The following CTNND2 variants were observed in gnomAD, a reference collection of about 807,000 sequenced individuals.
CTNND2 encodes the protein catenin delta 2.
In CTNND2, 22 loss-of-function variants were observed where a neutral mutation model predicts 144.4. The ratio of observed to expected loss-of-function variants is 0.15; its 90% CI spans 0.11 to 0.22. The LOEUF (loss-of-function observed/expected upper bound fraction) is 0.22. CTNND2 is among the 10% of genes least tolerant of loss of function. CTNND2 has a pLI of 1.00. For synonymous variants in CTNND2, 751 were observed against 695.6 expected (o/e 1.08, Z -1.25); for missense variants, 1,353 against 1,618.8 (o/e 0.84, Z 2.82).
chr5:11,710,548 A>AG (rs1484988841), intron 2 of CTNND2, among the ~76,000 whole-genome samples: 1 of 152,022 alleles, frequency 6.6e-6, no homozygotes, highest in Non-Finnish European at 1.5e-5. Context: ...TCAAAAAAAA[A>AG]AAAAAAAAAG....
intron 2 of CTNND2, among the ~76,000 whole-genome samples, chr5:11,662,734 G>A (rs1429243894): frequency 1.3e-5 from 2 of 152,142 alleles, no homozygotes. Context: ...AACTGCGCAT[G>A]CAAGAGATCT....
intron 8 of CTNND2, among the ~76,000 whole-genome samples, chr5:11,349,197 AATT>A (rs1755092594): frequency 6.6e-6 from 1 of 152,210 alleles, no homozygotes; most frequent in Non-Finnish European, 1.5e-5. Context: ...TAAACAAATA[AATT>A]ATTAATATTA....
chr5:11,217,842 T>G (rs1476612285), intron 10 of CTNND2, among the ~76,000 whole-genome samples: 1 of 152,208 alleles, frequency 6.6e-6, no homozygotes, highest in Non-Finnish European at 1.5e-5. Flanking sequence ...GCTTTTGCCA[T>G]GAACTCCAAT....
chr5:11,786,637 A>G (rs1378542857), intron 1 of CTNND2, among the ~76,000 whole-genome samples: 1 of 152,238 alleles, frequency 6.6e-6, no homozygotes, highest in Non-Finnish European at 1.5e-5. Context: ...TAATTAAAGA[A>G]AGTTTGTGCC....
chr5:11,674,711 G>T (rs943567223), intron 2 of CTNND2, among the ~76,000 whole-genome samples: 1 of 147,866 alleles, frequency 6.8e-6, no homozygotes, highest in Non-Finnish European at 1.5e-5. Flanking sequence ...TTTTTTGTTT[G>T]TTTGTTTGGT....
intron 1 of CTNND2, among the ~76,000 whole-genome samples, chr5:11,875,761 G>C (rs1735524629): frequency 6.6e-6 from 1 of 152,156 alleles, no homozygotes; most frequent in African/African-American, 2.4e-5. Flanking sequence ...AAGTCACCCA[G>C]ACTACGGTAT....
intron 1 of CTNND2, among the ~76,000 whole-genome samples, chr5:11,834,326 T>G (rs941072248): frequency 1.3e-5 from 2 of 152,214 alleles, no homozygotes; most frequent in African/African-American, 4.8e-5. Context: ...CCAGCTGGTA[T>G]CTACAGATCT....
intron 3 of CTNND2, among the ~76,000 whole-genome samples, chr5:11,524,199 C>T (rs1000010438): frequency 2.6e-5 from 4 of 152,144 alleles, no homozygotes; most frequent in African/African-American, 9.7e-5. Flanking sequence ...TCCACCTTCC[C>T]ACGTCCCCTC....
chr5:11,207,692 C>T (rs1343902965), intron 10 of CTNND2, among the ~76,000 whole-genome samples: 2 of 152,160 alleles, frequency 1.3e-5, no homozygotes, highest in Non-Finnish European at 1.5e-5. Flanking sequence ...CCACCACTCG[C>T]CTTTGTTATT....
intron 3 of CTNND2, among the ~76,000 whole-genome samples, chr5:11,561,179 C>A (rs1003212719): frequency 2.0e-5 from 3 of 152,170 alleles, no homozygotes; most frequent in African/African-American, 7.2e-5. Flanking sequence ...ACTTGATTAT[C>A]ATCTTAAATA....
At chr5:11,624,485 T>C (rs1781048573) in intron 2 of CTNND2, among the ~76,000 whole-genome samples, 1 of 152,148 alleles carries the variant, frequency 6.6e-6, no homozygotes, top group Non-Finnish European at 1.5e-5. Flanking sequence ...ACAATGGTGT[T>C]ATTGTATTCA....
intron 1 of CTNND2, among the ~76,000 whole-genome samples, chr5:11,746,482 T>TG (rs1788323388): frequency 6.6e-6 from 1 of 151,972 alleles, no homozygotes. Flanking sequence ...CTTCTGGGAT[T>TG]AAAAAAAACT....
At chr5:11,651,369 C>A (rs1390106368) in intron 2 of CTNND2, among the ~76,000 whole-genome samples, 8 of 152,188 alleles carry the variant, frequency 5.3e-5, no homozygotes. Flanking sequence ...TATGAAAATG[C>A]CTGGATATGC....
At chr5:11,721,815 C>A (rs1786705209) in intron 2 of CTNND2, among the ~76,000 whole-genome samples, 2 of 152,260 alleles carry the variant, frequency 1.3e-5, no homozygotes, top group Non-Finnish European at 2.9e-5. Flanking sequence ...AGGAGGTCTA[C>A]TTCCCTGTAG....
intron 16 of CTNND2, among the ~76,000 whole-genome samples, chr5:11,032,683 A>T (rs1743607399): frequency 6.6e-6 from 1 of 152,172 alleles, no homozygotes; most frequent in Non-Finnish European, 1.5e-5. Context: ...CTACTTAGCA[A>T]TCAAAAGGAA....
At chr5:11,571,601 G>C (rs1581525500) in intron 2 of CTNND2, among the ~76,000 whole-genome samples, 1 of 152,078 alleles carries the variant, frequency 6.6e-6, no homozygotes, top group East Asian at 1.9e-4. Context: ...TGGAGATCTA[G>C]CTGATATCTA....
intron 1 of CTNND2, among the ~76,000 whole-genome samples, chr5:11,741,885 A>G (rs944865622): frequency 1.3e-5 from 2 of 151,050 alleles, no homozygotes; most frequent in Non-Finnish European, 2.9e-5. Context: ...AAGGAATGAA[A>G]TAATGTTATT....
intron 3 of CTNND2, 96 bp from the exon 4 acceptor site, chr5:11,412,165 A>T: frequency 2.3e-6 from 2 of 862,758 alleles, no homozygotes; most frequent in Non-Finnish European, 3.9e-6. Context: ...GGGTAGTAAC[A>T]GTGGCCCCGT....
At position 11,199,758 on chromosome 5, in the gene CTNND2, A is replaced by G. The variant is rs532899143; in HGVS notation, c.1762-97T>C. On this transcript the variant is annotated intron_variant, in intron 10 of 21. Transcript: ENST00000304623. ...CATATAAAGTATCTGCTAACAATTA[A>G]TCGCACCAAACTGAATTAAGGCATA... is the stretch of plus-strand genomic sequence containing the variant. 3.4e-6 allele frequency: 3 copies of G among 877,422 alleles called. No individual in the cohort carries two copies. The African/African-American group carries it at 4.9e-5, about 14-fold the overall frequency. The allele number at this position is 877,422 out of a possible 1,614,324, so 54.4% of individuals were successfully genotyped here.
Sources: allele counts gnomAD v4.1 joint callset (sites outside exome capture counted in the v4.1 genomes callset), GRCh38; gene constraint gnomAD v4.1.1; transcripts MANE v1.5; gene names NCBI Gene and HGNC (gene_info 2026-07-23, HGNC 2026-07-21).